The following AUTS2 variants were observed in gnomAD, a reference collection of about 807,000 sequenced individuals.
AUTS2 encodes the protein activator of transcription and developmental regulator AUTS2.
A neutral mutation model predicts 112.4 loss-of-function variants in AUTS2; 17 were observed. The observed-to-expected ratio is 0.15, with a 90% CI of 0.10 to 0.23. The LOEUF (loss-of-function observed/expected upper bound fraction) is 0.23, where lower values mean the gene tolerates loss of function less well. Ranked by LOEUF, AUTS2 falls within the 10% of genes least tolerant of loss-of-function variation. AUTS2 has a pLI of 1.00. For synonymous variants in AUTS2, 751 were observed against 702.7 expected, an observed-to-expected ratio of 1.07 and a Z score of -1.09; for missense variants, 1,510 against 1,701.6, an observed-to-expected ratio of 0.89 and a Z score of 1.98.
At chr7:70,490,670 C>T (rs1005121568) in intron 5 of AUTS2, among the ~76,000 whole-genome samples, 2 of 152,116 alleles carry the variant, frequency 1.3e-5, no homozygotes, top group East Asian at 3.9e-4. Context: ...TGGACTTGCT[C>T]AAAACATCGT....
intron 4 of AUTS2, among the ~76,000 whole-genome samples, chr7:70,136,125 G>A (rs891891123): frequency 6.6e-6 from 1 of 152,052 alleles, no homozygotes; most frequent in African/African-American, 2.4e-5. Flanking sequence ...TCCAAGAATG[G>A]TTATTTTTAT....
rs10651355 is a variant in AUTS2, at chr7:70,528,093, A to ATTT, written c.690+92336_690+92338dup. 3.2e-3 allele frequency among the ~76,000 whole-genome samples: 313 copies of ATTT among 97,242 alleles called. 3 individuals carry two copies. Among genetic ancestry groups the ATTT allele is most frequent in the African/African-American group, 0.013 (279 of 22,100 alleles). The allele number at this position is 97,242 out of a possible 152,430, so 63.8% of individuals were successfully genotyped here. A position where few individuals can be genotyped will look rare whatever the true frequency, so the allele number is the denominator to read the frequency against. ...ACTTGAAGTTCACTTAAATTTAAGG[A>ATTT]TTTTTTTTTTTTTTTTTTTTTTTTT... On this transcript the variant is annotated intron_variant, in intron 5 of 18. Transcript: ENST00000342771.
chr7:70,256,824 G>A (rs141596223), intron 4 of AUTS2, among the ~76,000 whole-genome samples: 1 of 152,222 alleles, frequency 6.6e-6, no homozygotes, highest in South Asian at 2.1e-4. Context: ...GACAGAGATA[G>A]AAAGTACTCT....
At chr7:70,106,338 GTTAGTGC>G (rs1446240766) in intron 2 of AUTS2, among the ~76,000 whole-genome samples, 3 of 152,324 alleles carry the variant, frequency 2.0e-5, no homozygotes, top group Non-Finnish European at 4.4e-5. Context: ...CATTAGTGCA[GTTAGTGC>G]TCTTGTTTCC....
intron 2 of AUTS2, among the ~76,000 whole-genome samples, chr7:70,053,911 T>C (rs185693703): frequency 6.6e-6 from 1 of 152,210 alleles, no homozygotes; most frequent in African/African-American, 2.4e-5. Context: ...ATGGGAATTC[T>C]GTGTGCTTTT....
chr7:70,762,942 C>T lies in AUTS2; in HGVS notation c.815C>T (p.Ser272Leu), dbSNP rs777962059. ...QDAGPIVPKI[S>L]GLERSQEKSQ... is the part of the protein sequence containing the mutation. ...GCAGGGCCGATTGTCCCCAAGATAT[C>T]GGGTCTAGAGAGAAGCCAGGAGAAG... The change falls in exon 7 of 19, where the codon TCG (serine) becomes TTG (leucine). Residue 272 changes from serine (S) to leucine (L), a missense_variant. By Grantham distance (145) the Ser-to-Leu change is moderately radical. Transcript: ENST00000342771. The T allele has an allele frequency of 1.9e-6, 3 of 1,613,962 alleles. No individual in the cohort carries two copies. Among genetic ancestry groups the T allele is most frequent in the Non-Finnish European group, 2.5e-6 (3 of 1,180,018 alleles).
intron 4 of AUTS2, among the ~76,000 whole-genome samples, chr7:70,164,110 C>CA (rs1808256400): frequency 6.6e-6 from 1 of 151,928 alleles, no homozygotes; most frequent in African/African-American, 2.4e-5. Context: ...TTTTTGACAG[C>CA]AAAAAATAAA....
chr7:70,369,523 G>A (rs2129629809), intron 4 of AUTS2, among the ~76,000 whole-genome samples: 1 of 152,296 alleles, frequency 6.6e-6, no homozygotes, highest in Non-Finnish European at 1.5e-5. Flanking sequence ...GCACCAGAGT[G>A]ATGGTATCAT....
intron 1 of AUTS2, among the ~76,000 whole-genome samples, chr7:69,625,497 G>T (rs1195740489): frequency 6.6e-6 from 1 of 151,940 alleles, no homozygotes; most frequent in African/African-American, 2.4e-5. Context: ...TTCTTTTTTG[G>T]CGGGGCAGGG....
At chr7:70,494,667 A>G (rs1488983328) in intron 5 of AUTS2, among the ~76,000 whole-genome samples, 2 of 152,092 alleles carry the variant, frequency 1.3e-5, no homozygotes, top group Admixed American at 1.3e-4. Flanking sequence ...AAGAGAACAG[A>G]CTGGAGACTG....
chr7:69,789,037 G>T (rs1789500852), intron 1 of AUTS2, among the ~76,000 whole-genome samples: 1 of 152,084 alleles, frequency 6.6e-6, no homozygotes, highest in African/African-American at 2.4e-5. Context: ...AAGTCTTTAG[G>T]CAAGGAGTAT....
chr7:70,707,820 T>A (rs1223535580), intron 6 of AUTS2, among the ~76,000 whole-genome samples: 1 of 152,136 alleles, frequency 6.6e-6, no homozygotes, highest in Non-Finnish European at 1.5e-5. Context: ...TCTTTACTTT[T>A]CAGCCAGATT....
chr7:69,682,992 G>A (rs1796869692), intron 1 of AUTS2, among the ~76,000 whole-genome samples: 1 of 152,220 alleles, frequency 6.6e-6, no homozygotes, highest in African/African-American at 2.4e-5. Context: ...AGTGGTTTAA[G>A]GAGCGGAAAG....
chr7:70,513,906 C>T (rs953437944), intron 5 of AUTS2, among the ~76,000 whole-genome samples: 6 of 152,126 alleles, frequency 3.9e-5, no homozygotes, highest in African/African-American at 1.4e-4. Flanking sequence ...GTGATTTGCC[C>T]ACCTTGGCCT....
intron 2 of AUTS2, among the ~76,000 whole-genome samples, chr7:70,043,541 TTCCC>T (rs939767665): frequency 2.8e-5 from 4 of 141,122 alleles, no homozygotes; most frequent in Non-Finnish European, 6.2e-5. Context: ...CCTTGCCTCC[TTCCC>T]TCCCTTCCTT....
intron 1 of AUTS2, among the ~76,000 whole-genome samples, chr7:69,702,329 G>T (rs1742380299): frequency 1.3e-5 from 2 of 152,184 alleles, no homozygotes; most frequent in South Asian, 4.1e-4. Flanking sequence ...TTCAGATGTG[G>T]TTCTGGTTGT....
chr7:70,493,583 T>TC (rs1356906913), intron 5 of AUTS2, among the ~76,000 whole-genome samples: 1 of 151,898 alleles, frequency 6.6e-6, no homozygotes, highest in Middle Eastern at 3.2e-3. Flanking sequence ...ACTAACTTGC[T>TC]CCCCCAGAGA....
intron 1 of AUTS2, among the ~76,000 whole-genome samples, chr7:69,898,459 C>T (rs745786647): frequency 3.3e-5 from 5 of 152,074 alleles, no homozygotes; most frequent in Non-Finnish European, 2.9e-5. Flanking sequence ...TGACTTACTC[C>T]ACTTCTGATA....
intron 4 of AUTS2, among the ~76,000 whole-genome samples, chr7:70,204,740 A>G (rs550050673): frequency 1.5e-4 from 23 of 152,154 alleles, no homozygotes; most frequent in Admixed American, 4.6e-4. Context: ...CCTGGTAACC[A>G]ATAAATGTTG....
Sources: allele counts gnomAD v4.1 joint callset (sites outside exome capture counted in the v4.1 genomes callset), GRCh38; gene constraint gnomAD v4.1.1; transcripts MANE v1.5; gene names NCBI Gene and HGNC (gene_info 2026-07-23, HGNC 2026-07-21).